Variants in DOK7 observed in about 807,000 individuals in gnomAD.
DOK7 encodes docking protein 7.
In DOK7, 32 loss-of-function variants were observed where a neutral mutation model predicts 30.7. The ratio of observed to expected loss-of-function variants is 1.04; its 90% CI spans 0.79 to 1.40. DOK7 has a LOEUF of 1.40. Ranked by LOEUF, DOK7 falls within the 40% of genes most tolerant of loss-of-function variation. The pLI is 0.00. For synonymous variants in DOK7, 447 were observed against 324.1 expected (o/e 1.38, Z -4.07); for missense variants, 1,007 against 699.2 (o/e 1.44, Z -4.97).
downstream of DOK7, chr4:3,496,843 A>C (rs1728937414): frequency 6.5e-7 from 1 of 1,534,536 alleles, no homozygotes; most frequent in South Asian, 1.2e-5. Flanking sequence ...CAGCCCCAGG[A>C]CCTGCGACAG....
rs766061571 is a variant in DOK7 at position 3,493,125 on chromosome 4, C to A, written c.1139C>A (p.Ala380Asp). 7.2e-5 allele frequency: 115 copies of A among 1,591,696 alleles called. No individual in the cohort carries two copies. Among genetic ancestry groups the A allele is most frequent in the Non-Finnish European group, 9.4e-5 (110 of 1,172,246 alleles). ...GSLLSLPAAGAPEPSLCTCLP... is the reference protein window; with the variant it reads ...GSLLSLPAAGDPEPSLCTCLP... ...CTGCTCAGCCTGCCAGCAGCGGGGG[C>A]CCCCGAGCCCAGCCTGTGCACCTGC... is the stretch of plus-strand genomic sequence containing the variant. The change falls in exon 7 of 7, where the codon GCC (alanine) becomes GAC (aspartate). Residue 380 changes from alanine to aspartate, a missense_variant. Ala to Asp is a moderately radical substitution (Grantham distance 126). Coordinates refer to ENST00000340083, the MANE Select transcript of DOK7 (RefSeq NM_173660.5).
chr4:3,489,608 G>T, intron 5 of DOK7, 69 bp from the exon 6 acceptor site: 1 of 1,550,670 alleles, frequency 6.4e-7, no homozygotes, highest in Non-Finnish European at 8.7e-7. Context: ...GTCAGGCTGG[G>T]CCTGGTGCCT....
At chr4:3,494,909 G>GTGCC (rs1440950520), downstream of DOK7, among the ~76,000 whole-genome samples, 1 of 152,120 alleles carries the variant, frequency 6.6e-6, no homozygotes, top group Non-Finnish European at 1.5e-5. Flanking sequence ...ATCTGTGTGG[G>GTGCC]TGCCTGCCTG....
At chr4:3,467,012 C>T (rs1726326310) in intron 2 of DOK7, among the ~76,000 whole-genome samples, 2 of 152,212 alleles carry the variant, frequency 1.3e-5, no homozygotes, top group African/African-American at 4.8e-5. Context: ...GATGGCCGCC[C>T]CCCTTGCTCC....
At chr4:3,477,547 CA>C (rs1727172151) in intron 4 of DOK7, among the ~76,000 whole-genome samples, 1 of 152,270 alleles carries the variant, frequency 6.6e-6, no homozygotes, top group African/African-American at 2.4e-5. Flanking sequence ...GCGCTGGGAG[CA>C]AACCCAGTAG....
At chr4:3,470,516 G>A (rs931294963) in intron 2 of DOK7, among the ~76,000 whole-genome samples, 5 of 152,276 alleles carry the variant, frequency 3.3e-5, no homozygotes, top group African/African-American at 9.6e-5. Context: ...TCTGAGGGTC[G>A]AGCGTGGGTT....
At chr4:3,473,379 C>G (rs762471012) in intron 2 of DOK7, 27 bp from the exon 3 acceptor site, 2 of 1,607,060 alleles carry the variant, frequency 1.2e-6, no homozygotes, top group Non-Finnish European at 1.7e-6. Context: ...TGTTGGCTGG[C>G]GTCCCTGACG....
Position 3,489,713 on chromosome 4 carries a change from G to T in DOK7, c.689G>T (p.Arg230Leu), listed in dbSNP as rs760941977. 1.2e-5 allele frequency: 18 copies of T among 1,564,462 alleles called. No homozygotes were observed. Among genetic ancestry groups the T allele is most frequent in the South Asian group, 2.4e-5 (2 of 84,990 alleles). ...SPPGPSTVEE[R>L]VAQEALETLQ... is the part of the protein sequence containing the mutation. ...CCGGGACCCTCGACTGTGGAGGAGC[G>T]TGTGGCCCAGGAAGCCCTGGAAACC... Residue 230 changes from arginine to leucine, a missense_variant, in exon 6 of 7, where the codon CGT becomes CTT. Transcript: ENST00000340083.
At chr4:3,486,122 G>A (rs1727772803) in intron 5 of DOK7, among the ~76,000 whole-genome samples, 1 of 152,222 alleles carries the variant, frequency 6.6e-6, no homozygotes, top group Non-Finnish European at 1.5e-5. Flanking sequence ...GGCCACCTCG[G>A]GAGGTCCCCT....
intron 5 of DOK7, among the ~76,000 whole-genome samples, chr4:3,486,154 G>A (rs577118141): frequency 6.0e-4 from 92 of 152,326 alleles, no homozygotes; most frequent in Non-Finnish European, 9.6e-4. Flanking sequence ...CTCAGGACAC[G>A]TTGGGCTGAG....
intron 2 of DOK7, 63 bp from the exon 3 acceptor site, chr4:3,473,343 G>A: frequency 6.4e-7 from 1 of 1,552,138 alleles, no homozygotes; most frequent in South Asian, 1.1e-5. Flanking sequence ...GGCCTCCCCG[G>A]GGACGCCAAG....
Position 3,493,216 on chromosome 4 carries a change from C to G in DOK7, c.1230C>G (p.Ser410Arg). 4 of 1,611,956 alleles carry G rather than the reference C, an allele frequency of 2.5e-6. No individual in the cohort carries two copies. Among genetic ancestry groups the G allele is most frequent in the East Asian group, 2.2e-5 (1 of 44,854 alleles). Residue 410 changes from serine (S) to arginine (R), a missense_variant, in exon 7 of 7, where the codon AGC (serine) becomes AGG (arginine). By Grantham distance (110) the Ser-to-Arg change is moderately radical. Transcript: ENST00000340083. ...GGGCCCACTATGACACACCACGCAG[C>G]CTTTGCCTGGCTCCTAGAGACCACA... ...SLRAHYDTPR[S>R]LCLAPRDHSP... is the part of the protein sequence containing the mutation.
intron 2 of DOK7, among the ~76,000 whole-genome samples, chr4:3,464,939 G>A (rs1272042749): frequency 3.9e-5 from 6 of 152,212 alleles, no homozygotes; most frequent in Non-Finnish European, 7.3e-5. Flanking sequence ...GCTCCCGAGC[G>A]TCTGCTGGGT....
chr4:3,484,344 G>T (rs1727620517), intron 4 of DOK7, among the ~76,000 whole-genome samples: 1 of 152,208 alleles, frequency 6.6e-6, no homozygotes. Context: ...TGTGTTCCGT[G>T]AAGGCAGAGC....
chr4:3,490,211 A>G (rs547916450), intron 6 of DOK7, among the ~76,000 whole-genome samples: 98 of 64,280 alleles, frequency 1.5e-3, no homozygotes, highest in African/African-American at 5.9e-3. Context: ...CCCCTCATTC[A>G]TTCCTGTCTT....
chr4:3,485,293 G>T (rs1439647578), intron 4 of DOK7: 3 of 476,666 alleles, frequency 6.3e-6, no homozygotes, highest in African/African-American at 2.0e-5. Flanking sequence ...GGTGCGGCGG[G>T]GTCCCTGGGG....
chr4:3,466,231 C>T (rs75175342), intron 2 of DOK7, among the ~76,000 whole-genome samples: 2,415 of 152,260 alleles, frequency 0.016, 77 homozygotes, highest in African/African-American at 0.054. Flanking sequence ...CTGGAAGTTC[C>T]GCGCCTGCCC....
In DOK7 at chr4:3,494,222, CCT is replaced by C. The variant is rs1470465031; in HGVS notation, c.*722_*723del. On this transcript the variant is annotated 3_prime_UTR_variant, in exon 7 of 7. Transcript: ENST00000340083. ...GCCCCTGGTGGGAGCTCTGCTGGCTCCTGTCTGAACCTCCTCGCAGGGCCAAA... is the reference window on the plus strand; with the variant it reads ...GCCCCTGGTGGGAGCTCTGCTGGCTCGTCTGAACCTCCTCGCAGGGCCAAA... 1.3e-5 allele frequency: 13 copies of C among 985,530 alleles called. No individual in the cohort carries two copies. The highest frequency in any genetic ancestry group is 1.6e-5 in the Non-Finnish European group (13 of 829,982). The allele number at this position is 985,530 out of a possible 1,614,324, so 61.0% of individuals were successfully genotyped here.
intron 4 of DOK7, among the ~76,000 whole-genome samples, chr4:3,478,329 T>C (rs1727230478): frequency 1.3e-5 from 2 of 152,222 alleles, no homozygotes; most frequent in South Asian, 4.1e-4. Context: ...CCTTTTCCGC[T>C]GGTAAACAAT....
Sources: gnomAD v4.1 joint callset for allele counts (sites outside exome capture counted in the v4.1 genomes callset) on GRCh38, gnomAD v4.1.1 for gene constraint, MANE v1.5 for transcripts, NCBI Gene and HGNC (gene_info 2026-07-23, HGNC 2026-07-21) for gene names.